AHDC1: variants seen among roughly 807,000 people sequenced by gnomAD.
AHDC1 encodes AT-hook DNA binding motif containing 1, also known as transcription factor Gibbin.
A neutral mutation model predicts 87.9 loss-of-function variants in AHDC1; 7 were observed. The ratio of observed to expected loss-of-function variants is 0.08; its 90% confidence interval spans 0.05 to 0.15. AHDC1 has a LOEUF of 0.15. Among genes scored for constraint, AHDC1 ranks in the 10% least tolerant of loss-of-function variants. The pLI, the probability that AHDC1 is intolerant of heterozygous loss-of-function variation, is 1.00. For synonymous variants in AHDC1, 1,051 were observed against 1,006.8 expected (o/e 1.04, Z -0.83); for missense variants, 1,841 against 2,253.2 (o/e 0.82, Z 3.70).
Position 27,551,413 on chromosome 1 carries a change from C to A in AHDC1, c.703G>T (p.Asp235Tyr), listed in dbSNP as rs771300420. Residue 235 changes from aspartate to tyrosine, a missense_variant, in exon 8 of 9, where the codon GAT becomes TAT. Asp to Tyr is a radical substitution (Grantham distance 160). Coordinates refer to ENST00000673934, the MANE Select transcript of AHDC1 (RefSeq NM_001371928.1). ...LPPEPEPDST[D>Y]YSELADADIL... ...TCGGCGTCAGCAAGTTCTGAGTAAT[C>A]AGTGCTGTCTGGCTCAGGCTCTGGG... 6.2e-7 allele frequency: 1 copy of A among 1,613,552 alleles called. No individual in the cohort carries two copies. The highest frequency in any genetic ancestry group is 8.5e-7 in the Non-Finnish European group (1 of 1,179,952).
At chr1:27,579,256 C>T (rs181889576) in intron 3 of AHDC1, among the ~76,000 whole-genome samples, 5 of 152,204 alleles carry the variant, frequency 3.3e-5, no homozygotes, top group Admixed American at 2.0e-4. Context: ...GGCTGGTGTT[C>T]TAGGTCTTGT....
chr1:27,542,419 A>G (rs778750989), intron 8 of AHDC1, among the ~76,000 whole-genome samples: 2 of 152,192 alleles, frequency 1.3e-5, no homozygotes, highest in East Asian at 3.8e-4. Flanking sequence ...GGCCGGCTCT[A>G]TGGTCCTGCA....
rs778392303 is a variant in AHDC1, at chr1:27,595,282, T to C, written c.-629+8115A>G. 6.6e-6 allele frequency among the ~76,000 whole-genome samples: 1 copy of C among 151,760 alleles called. No individual in the cohort carries two copies. Among genetic ancestry groups the C allele is most frequent in the Non-Finnish European group, 1.5e-5 (1 of 67,934 alleles). On this transcript the variant is annotated intron_variant, in intron 3 of 8. Transcript: ENST00000673934. The surrounding 1 kb of genome is among the most constrained non-coding windows in gnomAD (Gnocchi z 4.0). The stretch of plus-strand genomic sequence containing the variant: ...CGGTGTTTGGGGAAGTGCTGAGCTA[T>C]AGCTGGGAGAAACGTTGGGGGCTGT...
chr1:27,596,793 C>A (rs2089385766), intron 3 of AHDC1, among the ~76,000 whole-genome samples: 1 of 152,040 alleles, frequency 6.6e-6, no homozygotes, highest in Admixed American at 6.5e-5. Flanking sequence ...ACCCATCTTA[C>A]ACACACACCT....
chr1:27,566,960 C>A (rs2020349416), intron 3 of AHDC1, among the ~76,000 whole-genome samples: 2 of 151,928 alleles, frequency 1.3e-5, no homozygotes, highest in African/African-American at 4.8e-5. Context: ...AGAAGCCTCG[C>A]CCCTGCCCTC....
intron 3 of AHDC1, among the ~76,000 whole-genome samples, chr1:27,580,441 G>A (rs1343870822): frequency 6.6e-6 from 1 of 152,120 alleles, no homozygotes; most frequent in Non-Finnish European, 1.5e-5. Context: ...CTTTTCTCCT[G>A]CTCTGCTATC....
At chr1:27,559,882 G>A (rs1031426546) in intron 3 of AHDC1, among the ~76,000 whole-genome samples, 7 of 152,216 alleles carry the variant, frequency 4.6e-5, no homozygotes, top group Non-Finnish European at 2.9e-5. Flanking sequence ...TTGCCTGGGA[G>A]TTTGTATGCG....
chr1:27,539,138 CTTTT>C (rs112072152), intron 8 of AHDC1, among the ~76,000 whole-genome samples: 2 of 125,358 alleles, frequency 1.6e-5, no homozygotes, highest in Non-Finnish European at 1.7e-5. Flanking sequence ...TTTTTCTTTT[CTTTT>C]TTTTTTTTTT....
Position 27,561,232 on chromosome 1 carries a change from T to C in AHDC1, c.-628-2349A>G, listed in dbSNP as rs913065360. ...CCTAGAGCCCTCCAGTGGGGGTAGATTGGCTGCCCCCCATTCAGGCCCCCA... is the reference window on the plus strand; with the variant it reads ...CCTAGAGCCCTCCAGTGGGGGTAGACTGGCTGCCCCCCATTCAGGCCCCCA... On this transcript the variant is annotated intron_variant, in intron 3 of 8. Coordinates refer to ENST00000673934, the MANE Select transcript of AHDC1 (RefSeq NM_001371928.1). This position sits in a 1 kb window ranked among gnomAD's most constrained non-coding sequence, Gnocchi z 4.2. Among the ~76,000 whole-genome samples, 4 of 152,112 alleles carry C rather than the reference T, an allele frequency of 2.6e-5. No homozygotes were observed. Among genetic ancestry groups the C allele is most frequent in the African/African-American group, 4.8e-5 (2 of 41,430 alleles).
Position 27,552,155 on chromosome 1 carries a change from G to C in AHDC1, c.-40C>G. 7.0e-7 allele frequency: 1 copy of C among 1,435,634 alleles called. No individual in the cohort carries two copies. Among genetic ancestry groups the C allele is most frequent in the Non-Finnish European group, 9.1e-7 (1 of 1,096,782 alleles). 88.9% of individuals were successfully genotyped at this position (1,435,634 alleles called of 1,614,324 possible). Reference sequence around the variant, plus strand: ...CCGCAGGCCGCCGGGCGGGGCCGGGGCTGACATGAGGGTGCGAGAAGCCGG... The same window carrying C: ...CCGCAGGCCGCCGGGCGGGGCCGGGCCTGACATGAGGGTGCGAGAAGCCGG... On this transcript the variant is annotated 5_prime_UTR_variant, in exon 8 of 9. Coordinates refer to ENST00000673934, the MANE Select transcript of AHDC1 (RefSeq NM_001371928.1).
At chr1:27,553,775 C>T (rs1012364241) in intron 5 of AHDC1, among the ~76,000 whole-genome samples, 2 of 152,106 alleles carry the variant, frequency 1.3e-5, no homozygotes, top group African/African-American at 4.8e-5. Context: ...TAAAAAAAAA[C>T]AGCTGTTTGG....
intron 3 of AHDC1, among the ~76,000 whole-genome samples, chr1:27,599,498 CAA>C: frequency 6.6e-6 from 1 of 152,320 alleles, no homozygotes; most frequent in Admixed American, 6.5e-5. Flanking sequence ...GCAGCTGTTC[CAA>C]TTCTCTAACT....
rs1156810581 is a variant in AHDC1 at position 27,549,926 on chromosome 1, C to T, written c.2190G>A (p.Glu730=). 1.9e-6 allele frequency: 3 copies of T among 1,613,546 alleles called. No individual in the cohort carries two copies. The highest frequency in any genetic ancestry group is 2.5e-6 in the Non-Finnish European group (3 of 1,179,852). The change falls in exon 8 of 9, where the codon GAG becomes GAA. Residue 730 remains glutamate (E), a synonymous_variant. Coordinates refer to ENST00000673934, the MANE Select transcript of AHDC1 (RefSeq NM_001371928.1). ...LGHPRKRGRG[E]VDAVTGKPKR... is the part of the protein sequence containing the mutation. The stretch of plus-strand genomic sequence containing the variant: ...TTGGCTTCCCAGTCACAGCGTCTAC[C>T]TCCCCCCGGCCCCGTTTGCGTGGGT...
At chr1:27,585,490 T>TAAACACTA (rs1249530094) in intron 3 of AHDC1, among the ~76,000 whole-genome samples, 1 of 152,190 alleles carries the variant, frequency 6.6e-6, no homozygotes, top group Non-Finnish European at 1.5e-5. Flanking sequence ...TGGAACATAG[T>TAAACACTA]AAACACTATA....
chr1:27,576,126 C>T (rs1571307668), intron 3 of AHDC1, among the ~76,000 whole-genome samples: 2 of 152,382 alleles, frequency 1.3e-5, no homozygotes, highest in South Asian at 2.1e-4. Context: ...CCGGCGCTCC[C>T]TCCGCAGCGG....
chr1:27,603,283 C>T (rs1259724599), intron 3 of AHDC1, 114 bp downstream of exon 3: 1 of 152,036 alleles, frequency 6.6e-6, no homozygotes, highest in Non-Finnish European at 1.5e-5. Flanking sequence ...ACCGCAGCCA[C>T]CGGGTCCAGC....
chr1:27,585,587 C>G (rs953055976), intron 3 of AHDC1, among the ~76,000 whole-genome samples: 2 of 152,116 alleles, frequency 1.3e-5, no homozygotes, highest in African/African-American at 4.8e-5. Flanking sequence ...TGACAAAGCC[C>G]CTGTTCCAAA....
intron 3 of AHDC1, among the ~76,000 whole-genome samples, chr1:27,570,776 A>G (rs1436581308): frequency 6.6e-6 from 1 of 152,166 alleles, no homozygotes; most frequent in African/African-American, 2.4e-5. Flanking sequence ...GAATGAGGAG[A>G]TGGACTCAAG....
intron 7 of AHDC1, 44 bp from the exon 8 acceptor site, chr1:27,552,233 A>G (rs2019612257): frequency 2.2e-6 from 3 of 1,393,768 alleles, no homozygotes; most frequent in Non-Finnish European, 2.8e-6. Flanking sequence ...GAACACCTAC[A>G]TCCTCATCAG....
Sources: gnomAD v4.1 joint callset for allele counts (sites outside exome capture counted in the v4.1 genomes callset) on GRCh38, gnomAD v4.1.1 for gene constraint, Gnocchi (gnomAD v3.1) non-coding constraint, MANE v1.5 for transcripts, NCBI Gene and HGNC (gene_info 2026-07-23, HGNC 2026-07-21) for gene names.